FRYL: variants seen among roughly 807,000 people sequenced by gnomAD.
FRYL encodes the protein FRY like transcription coactivator.
FRYL carries 150 observed loss-of-function variants against 351.2 expected under a neutral mutation model. That is an observed-to-expected ratio of 0.43 (90% confidence interval 0.37 to 0.49). The LOEUF is 0.49. FRYL is among the 20% of genes least tolerant of loss of function. The pLI is 0.00. For missense variants in FRYL, 3,036 were observed against 3,619.3 expected, an observed-to-expected ratio of 0.84 and a Z score of 4.13; for synonymous variants, 1,153 against 1,257.1, an observed-to-expected ratio of 0.92 and a Z score of 1.75.
At chr4:48,586,237 T>C (rs1742083828) in intron 19 of FRYL, among the ~76,000 whole-genome samples, 1 of 152,086 alleles carries the variant, frequency 6.6e-6, no homozygotes, top group African/African-American at 2.4e-5. Flanking sequence ...TGATTACCAC[T>C]AGAGATACTA....
intron 26 of FRYL, among the ~76,000 whole-genome samples, 199 bp from the exon 27 acceptor site, chr4:48,571,117 A>G (rs1474599165): frequency 1.3e-5 from 2 of 152,246 alleles, no homozygotes; most frequent in Non-Finnish European, 2.9e-5. Flanking sequence ...ATAAGGTCAC[A>G]TGACATCTTA....
chr4:48,724,646 A>T (rs1404055990), intron 1 of FRYL, among the ~76,000 whole-genome samples: 6 of 152,218 alleles, frequency 3.9e-5, no homozygotes. Context: ...CTCAATAAAC[A>T]TTTGTTGATT....
intron 35 of FRYL, among the ~76,000 whole-genome samples, chr4:48,556,056 G>A (rs189771372): frequency 5.9e-5 from 9 of 152,082 alleles, no homozygotes; most frequent in African/African-American, 1.7e-4. Flanking sequence ...CACCACACCC[G>A]GCTAATTTTT....
chr4:48,632,319 A>G (rs934703801), intron 4 of FRYL, among the ~76,000 whole-genome samples: 5 of 149,920 alleles, frequency 3.3e-5, no homozygotes, highest in Admixed American at 6.6e-5. Context: ...TTAGTTTTAT[A>G]TATGTTTGAC....
At position 48,540,423 on chromosome 4, in the gene FRYL, C is replaced by A; in HGVS notation, c.6225G>T (p.Met2075Ile). The A allele has an allele frequency of 6.2e-7, 1 of 1,613,940 alleles. No homozygotes were observed. The highest frequency in any genetic ancestry group is 1.1e-5 in the South Asian group (1 of 91,048). The stretch of plus-strand genomic sequence containing the variant: ...TGAGTTTACTGAGGAGGTGCACGGT[C>A]ATTTCTTGTGTAGATGCTGAGGTAA... The part of the protein sequence containing the change: ...KGFTSASTQE[M>I]TVHLLSKLIS... Residue 2075 changes from methionine to isoleucine, a missense_variant, in exon 46 of 64, where the codon ATG (methionine) becomes ATT (isoleucine). Around this residue, in one of 7 missense-constraint regions of FRYL, gnomAD observed 1,987 missense variants for 2,311.7 expected, o/e 0.86. Coordinates refer to ENST00000358350, the MANE Select transcript of FRYL (RefSeq NM_015030.2).
chr4:48,715,566 G>A, intron 1 of FRYL, among the ~76,000 whole-genome samples: 1 of 151,336 alleles, frequency 6.6e-6, no homozygotes. Flanking sequence ...CAACTTACAA[G>A]GGATGTGAAG....
Position 48,499,967 on chromosome 4 carries a change from C to G in FRYL, c.8783+63G>C. 3 of 1,136,590 alleles carry G rather than the reference C, an allele frequency of 2.6e-6. No individual in the cohort carries two copies. In the South Asian group the frequency reaches 4.2e-5, roughly 16 times the overall value. The allele number at this position is 1,136,590 out of a possible 1,614,324, so 70.4% of individuals were successfully genotyped here. ...GAAACAGCAAATTGAAAATGAAAAC[C>G]TAGTATTACTAAACTTCCTGTCTAA... is the stretch of plus-strand genomic sequence containing the variant. On this transcript the variant is annotated intron_variant, in intron 63 of 63. Transcript: ENST00000358350.
At chr4:48,754,591 T>C (rs1488996581) in intron 1 of FRYL, among the ~76,000 whole-genome samples, 22 of 152,036 alleles carry the variant, frequency 1.4e-4, no homozygotes, top group African/African-American at 5.1e-4. Flanking sequence ...CCACTCTCCA[T>C]TCCCACAAGC....
intron 2 of FRYL, among the ~76,000 whole-genome samples, chr4:48,687,341 G>A (rs1413042383): frequency 1.3e-5 from 2 of 152,040 alleles, no homozygotes; most frequent in Non-Finnish European, 2.9e-5. Flanking sequence ...CAACACTGAA[G>A]AGAAGACTGT....
At chr4:48,760,865 CAG>C (rs1774329736) in intron 1 of FRYL, among the ~76,000 whole-genome samples, 1 of 151,944 alleles carries the variant, frequency 6.6e-6, no homozygotes, top group Admixed American at 6.6e-5. Context: ...TTAGTAAAGA[CAG>C]GGGTTTCGCC....
chr4:48,725,580 G>C (rs548707829), intron 1 of FRYL, among the ~76,000 whole-genome samples: 10 of 152,274 alleles, frequency 6.6e-5, no homozygotes, highest in Admixed American at 2.0e-4. Context: ...ACGCTGTCCT[G>C]CTCCATCCTG....
chr4:48,600,119 G>A (rs1345324497), intron 13 of FRYL, among the ~76,000 whole-genome samples: 1 of 151,788 alleles, frequency 6.6e-6, no homozygotes, highest in African/African-American at 2.4e-5. Context: ...AAAAAAAAAG[G>A]TATAGGTCTA....
At chr4:48,758,278 T>A (rs1260932895) in intron 1 of FRYL, among the ~76,000 whole-genome samples, 1 of 152,112 alleles carries the variant, frequency 6.6e-6, no homozygotes, top group African/African-American at 2.4e-5. Flanking sequence ...GAAACTACCA[T>A]CAGAGTGAAC....
intron 7 of FRYL, among the ~76,000 whole-genome samples, chr4:48,611,399 C>T (rs1748168957): frequency 6.6e-6 from 1 of 151,614 alleles, no homozygotes; most frequent in Non-Finnish European, 1.5e-5. Flanking sequence ...TATTTTTGAT[C>T]CAAGGTTGGC....
At chr4:48,757,826 T>C (rs1287786239) in intron 1 of FRYL, among the ~76,000 whole-genome samples, 2 of 152,042 alleles carry the variant, frequency 1.3e-5, no homozygotes, top group Non-Finnish European at 2.9e-5. Flanking sequence ...TGCTACCTGA[T>C]TTCAAACTAT....
intron 4 of FRYL, among the ~76,000 whole-genome samples, chr4:48,628,798 A>G (rs1752393527): frequency 6.6e-6 from 1 of 152,094 alleles, no homozygotes; most frequent in Non-Finnish European, 1.5e-5. Flanking sequence ...ATCTGCAATT[A>G]TTATACGTCA....
At chr4:48,542,609 T>G (rs1730461209) in intron 44 of FRYL, among the ~76,000 whole-genome samples, 2 of 152,124 alleles carry the variant, frequency 1.3e-5, no homozygotes, top group Non-Finnish European at 2.9e-5. Flanking sequence ...TAGAGACAGA[T>G]TTCGCCATGT....
intron 26 of FRYL, chr4:48,572,132 A>G (rs1738468073): frequency 3.3e-6 from 1 of 305,412 alleles, no homozygotes; most frequent in South Asian, 1.3e-4. Context: ...CTCCTGCTTA[A>G]ATTCCTCAGG....
chr4:48,758,219 G>C (rs1774005820), intron 1 of FRYL, among the ~76,000 whole-genome samples: 1 of 152,134 alleles, frequency 6.6e-6, no homozygotes, highest in African/African-American at 2.4e-5. Context: ...GGCAACAAAA[G>C]CCAAAATTGA....
Sources: gnomAD v4.1 joint callset for allele counts (sites outside exome capture counted in the v4.1 genomes callset) on GRCh38, gnomAD v4.1.1 for gene constraint, gnomAD v4.1.1 regional missense constraint, MANE v1.5 for transcripts, NCBI Gene and HGNC (gene_info 2026-07-23, HGNC 2026-07-21) for gene names.